Variants in LTF observed in about 807,000 individuals in gnomAD.
LTF encodes the protein lactotransferrin.
LTF carries 91 observed loss-of-function variants against 87.2 expected under a neutral mutation model. That is an observed-to-expected ratio of 1.04 (90% confidence interval 0.88 to 1.24). The LOEUF is 1.24. LTF is among the 50% of genes most tolerant of loss of function. The pLI, the probability that LTF is intolerant of heterozygous loss-of-function variation, is 0.00. For synonymous variants in LTF, 378 were observed against 356.1 expected, an observed-to-expected ratio of 1.06 and a Z score of -0.69; for missense variants, 901 against 904.3, an observed-to-expected ratio of 1.00 and a Z score of 0.05.
intron 6 of LTF, among the ~76,000 whole-genome samples, chr3:46,452,798 T>C (rs536693378): frequency 7.9e-5 from 12 of 152,348 alleles, no homozygotes; most frequent in Middle Eastern, 6.8e-3. Context: ...GTAAATTGCC[T>C]CACTGTAAAG....
At chr3:46,446,359 T>C in intron 11 of LTF, 81 bp downstream of exon 11, 1 of 1,190,104 alleles carries the variant, frequency 8.4e-7, no homozygotes, top group Non-Finnish European at 1.2e-6. Context: ...ATTCTTTCTG[T>C]TTTTTTTACA....
At chr3:46,456,198 T>G in intron 3 of LTF, 92 bp downstream of exon 3, 1 of 1,157,834 alleles carries the variant, frequency 8.6e-7, no homozygotes, top group Middle Eastern at 2.1e-4. Context: ...TGACCCAGAC[T>G]CCACCTCCAC....
intron 14 of LTF, among the ~76,000 whole-genome samples, chr3:46,439,989 G>A (rs1433720626): frequency 3.3e-5 from 5 of 152,010 alleles, no homozygotes; most frequent in Admixed American, 2.0e-4. Flanking sequence ...GAGACAGAAA[G>A]TGGATTGATG....
chr3:46,440,388 T>C (rs1702490432), intron 14 of LTF, among the ~76,000 whole-genome samples: 1 of 152,248 alleles, frequency 6.6e-6, no homozygotes, highest in Non-Finnish European at 1.5e-5. Context: ...CAGCCAATTC[T>C]AACAAAATAC....
chr3:46,462,197 T>A (rs1053105237), intron 1 of LTF, among the ~76,000 whole-genome samples: 9 of 152,250 alleles, frequency 5.9e-5, no homozygotes, highest in African/African-American at 2.2e-4. Context: ...CAGCACTGTG[T>A]GTCACGCAAG....
intron 6 of LTF, 149 bp from the exon 7 acceptor site, chr3:46,450,822 A>T (rs1575314453): frequency 1.5e-6 from 1 of 678,480 alleles, no homozygotes; most frequent in East Asian, 2.6e-5. Context: ...TTGCTCCAGA[A>T]CACTCAGAAA....
rs779866339 is a variant in LTF at position 46,455,401 on chromosome 3, C to G, written c.541G>C (p.Asp181His). 14 of 1,614,114 alleles carry G rather than the reference C, an allele frequency of 8.7e-6. No homozygotes were observed. The East Asian group carries it at 3.1e-4, about 36-fold the overall frequency. Residue 181 changes from aspartate to histidine, a missense_variant, in exon 5 of 17, where the codon GAT (aspartate) becomes CAT (histidine). Coordinates refer to ENST00000231751, the MANE Select transcript of LTF (RefSeq NM_002343.6). ...CACAGGTTGGGGAACTGTCCTTTAT[C>G]TGCACCGGGAACACAGCTGGCTGAG... The part of the protein sequence containing the change: ...FFSASCVPGA[D>H]KGQFPNLCRL...
intron 1 of LTF, among the ~76,000 whole-genome samples, chr3:46,476,592 A>G (rs1703361739): frequency 6.6e-6 from 1 of 152,244 alleles, no homozygotes; most frequent in Non-Finnish European, 1.5e-5. Context: ...TGCACAAATC[A>G]TACATGTAGA....
chr3:46,476,359 A>G (rs1324024504), intron 1 of LTF, among the ~76,000 whole-genome samples: 2 of 152,204 alleles, frequency 1.3e-5, no homozygotes, highest in Non-Finnish European at 2.9e-5. Flanking sequence ...TAGATTAAGG[A>G]AGTCCCTTTA....
chr3:46,454,079 C>T, intron 6 of LTF: 1 of 554,080 alleles, frequency 1.8e-6, no homozygotes, highest in Non-Finnish European at 3.3e-6. Flanking sequence ...TTGCCAAGCA[C>T]CTAGGCATGG....
At chr3:46,471,206 G>C (rs1034068665) in intron 1 of LTF, among the ~76,000 whole-genome samples, 1 of 152,166 alleles carries the variant, frequency 6.6e-6, no homozygotes, top group Non-Finnish European at 1.5e-5. Context: ...GCCTTTTCTA[G>C]AGTGTTCACA....
upstream of LTF, among the ~76,000 whole-genome samples, chr3:46,467,177 C>G (rs1198550539): frequency 1.3e-5 from 2 of 151,950 alleles, no homozygotes; most frequent in Non-Finnish European, 2.9e-5. Context: ...TGAGTCTGCC[C>G]CAAAAAACAA....
intron 6 of LTF, chr3:46,453,971 A>T (rs904381441): frequency 3.4e-6 from 1 of 298,394 alleles, no homozygotes; most frequent in African/African-American, 2.1e-5. Context: ...AGGATTTCTA[A>T]TGCTCACTAA....
intron 1 of LTF, chr3:46,463,637 A>C (rs1295036148): frequency 7.1e-6 from 7 of 985,222 alleles, no homozygotes. Flanking sequence ...TGAATATAAA[A>C]CCCAGTGGTG....
At chr3:46,444,598 G>A (rs1702599358) in intron 12 of LTF, among the ~76,000 whole-genome samples, 1 of 152,236 alleles carries the variant, frequency 6.6e-6, no homozygotes, top group Non-Finnish European at 1.5e-5. Flanking sequence ...AGGCTGCCAT[G>A]GAGCTGGTGA....
upstream of LTF, chr3:46,465,055 T>A (rs1036750493): frequency 1.6e-5 from 10 of 631,910 alleles, no homozygotes; most frequent in Non-Finnish European, 2.6e-5. Flanking sequence ...AGGACAGGAC[T>A]CCACACCGCG....
chr3:46,454,263 A>G, intron 6 of LTF, 42 bp downstream of exon 6: 1 of 1,580,970 alleles, frequency 6.3e-7, no homozygotes, highest in Non-Finnish European at 8.7e-7. Context: ...ATCAAGTAAG[A>G]TAAAAGGGGT....
In LTF at chr3:46,436,046, C is replaced by T; in HGVS notation, c.*149G>A. On this transcript the variant is annotated 3_prime_UTR_variant, in exon 17 of 17. Coordinates refer to ENST00000231751, the MANE Select transcript of LTF (RefSeq NM_002343.6). ...ACAAAATTTCTCATTTTACTTCTTG[C>T]TAAGACGACAGCAGGGAATTGTAAG... 7 of 716,350 alleles carry T rather than the reference C, an allele frequency of 9.8e-6. No individual in the cohort carries two copies. In the South Asian group the frequency reaches 1.2e-4, roughly 12 times the overall value. The allele number at this position is 716,350 out of a possible 1,614,324, so 44.4% of individuals were successfully genotyped here.
chr3:46,455,413 C>A lies in LTF; in HGVS notation c.529G>T (p.Val177Phe), dbSNP rs1449058311. The A allele has an allele frequency of 6.2e-7, 1 of 1,614,112 alleles. No individual in the cohort carries two copies. Among genetic ancestry groups the A allele is most frequent in the African/African-American group, 1.3e-5 (1 of 74,936 alleles). ...AVARFFSASCVPGADKGQFPN... is the reference protein window; with the variant it reads ...AVARFFSASCFPGADKGQFPN... ...AACTGTCCTTTATCTGCACCGGGAA[C>A]ACAGCTGGCTGAGAAGAACCTGGCC... is the stretch of plus-strand genomic sequence containing the variant. The change falls in exon 5 of 17, where the codon GTT becomes TTT. Residue 177 changes from valine (V) to phenylalanine (F), a missense_variant. Coordinates refer to ENST00000231751, the MANE Select transcript of LTF (RefSeq NM_002343.6).
Sources: gnomAD v4.1 joint callset for allele counts (sites outside exome capture counted in the v4.1 genomes callset) on GRCh38, gnomAD v4.1.1 for gene constraint, MANE v1.5 for transcripts, NCBI Gene and HGNC (gene_info 2026-07-23, HGNC 2026-07-21) for gene names.